The following MARF1 variants were observed in gnomAD, a reference collection of about 807,000 sequenced individuals.
MARF1 encodes limkain-b1.
MARF1 carries 24 observed loss-of-function variants against 168.2 expected under a neutral mutation model. The observed-to-expected ratio is 0.14, with a 90% CI of 0.10 to 0.20. The LOEUF is 0.20. Among genes scored for constraint, MARF1 ranks in the 10% least tolerant of loss-of-function variants. The pLI is 1.00. For missense variants in MARF1, 1,744 were observed against 2,143.6 expected (o/e 0.81, Z 3.68); for synonymous variants, 868 against 822.4 (o/e 1.06, Z -0.95).
intron 13 of MARF1, among the ~76,000 whole-genome samples, chr16:15,618,199 G>C (rs769798962): frequency 4.6e-5 from 7 of 152,136 alleles, no homozygotes; most frequent in Non-Finnish European, 1.0e-4. Context: ...GTTAGGCCTG[G>C]ACAGAACTTG....
chr16:15,611,351 C>G (rs2033525275), intron 18 of MARF1, among the ~76,000 whole-genome samples: 1 of 148,390 alleles, frequency 6.7e-6, no homozygotes. Flanking sequence ...CCCAGCTACT[C>G]TGGAGGCTGA....
chr16:15,608,809 A>C (rs2033255695), intron 20 of MARF1: 3 of 423,114 alleles, frequency 7.1e-6, no homozygotes, highest in Non-Finnish European at 1.3e-5. Flanking sequence ...TAGTAAAAAA[A>C]GAAAATAAAA....
Position 15,643,126 on chromosome 16 carries a change from C to G in MARF1, c.-167G>C, listed in dbSNP as rs1042948086. The stretch of plus-strand genomic sequence containing the variant: ...GACTCCGCAGCTCCCGCCGCCGCCG[C>G]CAAGCGCACCCTTCACTTCCGCTTC... On this transcript the variant is annotated 5_prime_UTR_variant, in exon 1 of 27. Transcript: ENST00000396368. 1.1e-5 allele frequency: 3 copies of G among 275,098 alleles called. No individual in the cohort carries two copies. Among genetic ancestry groups the G allele is most frequent in the South Asian group, 8.4e-5 (3 of 35,902 alleles). 17.0% of individuals were successfully genotyped at this position (275,098 alleles called of 1,614,324 possible). A position where few individuals can be genotyped will look rare whatever the true frequency, so the allele number is the denominator to read the frequency against.
rs375942931 is a variant in MARF1 at position 15,600,564 on chromosome 16, A to G, written c.4688-11T>C. On this transcript the variant is annotated splice_polypyrimidine_tract_variant and intron_variant, in intron 24 of 26. Transcript: ENST00000396368. Reference sequence around the variant, plus strand: ...GTGAACTCAAACGACCTACAGGACAAAGAGCACCCGTCAGAGAGAAATGTC... The same window carrying G: ...GTGAACTCAAACGACCTACAGGACAGAGAGCACCCGTCAGAGAGAAATGTC... The G allele has an allele frequency of 1.3e-5, 21 of 1,614,204 alleles. No homozygotes were observed. The African/African-American group carries it at 2.3e-4, about 17-fold the overall frequency.
chr16:15,599,214 T>C lies in MARF1; in HGVS notation c.4814-190A>G, dbSNP rs1022493422. 6.7e-5 allele frequency: 41 copies of C among 612,660 alleles called. No individual in the cohort carries two copies. In the Admixed American group the frequency reaches 9.6e-4, roughly 14 times the overall value. 38.0% of individuals were successfully genotyped at this position (612,660 alleles called of 1,614,324 possible). On this transcript the variant is annotated intron_variant, in intron 25 of 26. Transcript: ENST00000396368. ...CCCACTAACAGGAAGATCCTGGTAA[T>C]GGAACGCCTTAATAAGCTAGTTCTT...
At chr16:15,630,582 C>G in intron 6 of MARF1, 78 bp from the exon 7 acceptor site, 1 of 1,317,828 alleles carries the variant, frequency 7.6e-7, no homozygotes, top group Non-Finnish European at 1.0e-6. Flanking sequence ...CTATTGACAC[C>G]CACTGAGAAG....
chr16:15,623,102 TA>T lies in MARF1; in HGVS notation c.2291del (p.Leu764Ter). On this transcript the variant is annotated frameshift_variant, in exon 11 of 27. Coordinates refer to ENST00000396368, the MANE Select transcript of MARF1 (RefSeq NM_014647.4). LOFTEE classifies it high-confidence loss of function. ...TGAAAGCAAGCGGGGATGCTCTGTT[TA>T]AAAGGTTTGGAGACATACTCCTGCT... ...WSSRSMSPNLLNRASPLAFNI... is the reference protein window; with the variant it reads ...WSSRSMSPNLXNRASPLAFNI... 1 of 1,602,334 alleles carries T rather than the reference TA, an allele frequency of 6.2e-7. No homozygotes were observed. Among genetic ancestry groups the T allele is most frequent in the Non-Finnish European group, 8.5e-7 (1 of 1,170,246 alleles).
At chr16:15,638,037 G>T (rs1418112708) in intron 2 of MARF1, among the ~76,000 whole-genome samples, 3 of 151,726 alleles carry the variant, frequency 2.0e-5, no homozygotes, top group Non-Finnish European at 2.9e-5. Flanking sequence ...ATAATGGCGA[G>T]TGCCTGTAAA....
intron 2 of MARF1, 123 bp downstream of exon 2, chr16:15,638,967 G>C: frequency 1.1e-6 from 1 of 940,314 alleles, no homozygotes; most frequent in South Asian, 2.0e-5. Context: ...GGCAATACAG[G>C]CAAGATCTAC....
At chr16:15,614,410 G>A (rs968781428) in intron 16 of MARF1, among the ~76,000 whole-genome samples, 1 of 148,626 alleles carries the variant, frequency 6.7e-6, no homozygotes, top group Non-Finnish European at 1.5e-5. Flanking sequence ...ATGAACCGAG[G>A]AGGCGGAGCT....
intron 10 of MARF1, among the ~76,000 whole-genome samples, chr16:15,624,446 C>T (rs763242067): frequency 3.3e-5 from 5 of 152,316 alleles, no homozygotes; most frequent in Admixed American, 6.5e-5. Context: ...CACCAATGCA[C>T]GGCTCGTTTG....
rs557981857 is a variant in MARF1, at chr16:15,612,312, T to C, written c.3474+245A>G. 2.9e-3 allele frequency among the ~76,000 whole-genome samples: 445 copies of C among 152,342 alleles called. 3 individuals carry two copies. The highest frequency in any genetic ancestry group is 7.3e-3 in the South Asian group (35 of 4,824). ...GCTGTGCTGGGATGAAGAAGGTCTA[T>C]AGAGCTTAGAGGGAAAATACTCCTC... On this transcript the variant is annotated intron_variant, in intron 17 of 26. Coordinates refer to ENST00000396368, the MANE Select transcript of MARF1 (RefSeq NM_014647.4).
In MARF1 at chr16:15,639,302, T is replaced by C. The variant is rs2035794669; in HGVS notation, c.-58-11A>G. 1 of 1,517,984 alleles carries C rather than the reference T, an allele frequency of 6.6e-7. No homozygotes were observed. Among genetic ancestry groups the C allele is most frequent in the Non-Finnish European group, 8.9e-7 (1 of 1,123,746 alleles). 94.0% of individuals were successfully genotyped at this position (1,517,984 alleles called of 1,614,324 possible). A position where few individuals can be genotyped will look rare whatever the true frequency, so the allele number is the denominator to read the frequency against. ...TTTCATTCTTCCACCCTGTTAAGAA[T>C]GAGTAAGATTTCAGTGTTATTTCCT... is the stretch of plus-strand genomic sequence containing the variant. On this transcript the variant is annotated splice_polypyrimidine_tract_variant and intron_variant, in intron 1 of 26. Coordinates refer to ENST00000396368, the MANE Select transcript of MARF1 (RefSeq NM_014647.4).
rs1314846838 is a variant in MARF1, at chr16:15,602,505, C to T, written c.4414-302G>A. On this transcript the variant is annotated intron_variant, in intron 22 of 26. Coordinates refer to ENST00000396368, the MANE Select transcript of MARF1 (RefSeq NM_014647.4). The stretch of plus-strand genomic sequence containing the variant: ...CAAGAAGACGAAGACAAGACGAAGA[C>T]GACGATGAAGAAGACGAAGACGACG... The T allele has an allele frequency of 2.7e-5, 14 of 527,376 alleles. 1 individual carries two copies. The highest frequency in any genetic ancestry group is 3.5e-5 in the South Asian group (2 of 56,374). 32.7% of individuals were successfully genotyped at this position (527,376 alleles called of 1,614,324 possible).
At position 15,631,563 on chromosome 16, in the gene MARF1, G is replaced by A. The variant is rs2035257460; in HGVS notation, c.1234-65C>T. ...AGGCTAGAAAATTGCTACACATTCT[G>A]CCCATATTTTTTATTTTTTAAATTT... On this transcript the variant is annotated intron_variant, in intron 5 of 26. Transcript: ENST00000396368. 2.7e-6 allele frequency: 3 copies of A among 1,120,354 alleles called. No homozygotes were observed. The African/African-American group carries it at 4.7e-5, about 18-fold the overall frequency. The allele number at this position is 1,120,354 out of a possible 1,614,324, so 69.4% of individuals were successfully genotyped here.
chr16:15,602,397 AAAG>A (rs1286051773), intron 22 of MARF1, 194 bp from the exon 23 acceptor site: 35 of 617,412 alleles, frequency 5.7e-5, no homozygotes, highest in African/African-American at 2.2e-4. Context: ...CGACAAAGAT[AAAG>A]AAGACAACAA....
rs1030206912 is a variant in MARF1 at position 15,595,497 on chromosome 16, G to A, written c.*1196C>T. On this transcript the variant is annotated 3_prime_UTR_variant, in exon 27 of 27. Coordinates refer to ENST00000396368, the MANE Select transcript of MARF1 (RefSeq NM_014647.4). ...GTAAATGTCAGGTTTCTCTAGAGGG[G>A]GGTGAGAGGCCACCCGTCAGCGGAC... is the stretch of plus-strand genomic sequence containing the variant. 1 of 152,538 alleles carries A rather than the reference G, an allele frequency of 6.6e-6. No individual in the cohort carries two copies. Among genetic ancestry groups the A allele is most frequent in the Non-Finnish European group, 1.5e-5 (1 of 68,036 alleles). 9.4% of individuals were successfully genotyped at this position (152,538 alleles called of 1,614,324 possible). A position where few individuals can be genotyped will look rare whatever the true frequency, so the allele number is the denominator to read the frequency against.
intron 13 of MARF1, among the ~76,000 whole-genome samples, chr16:15,618,484 G>C (rs915166925): frequency 6.6e-6 from 1 of 152,096 alleles, no homozygotes; most frequent in Non-Finnish European, 1.5e-5. Flanking sequence ...TTTAGCCACA[G>C]GACTCTGTAG....
intron 17 of MARF1, among the ~76,000 whole-genome samples, chr16:15,612,019 C>A (rs2033608583): frequency 6.6e-6 from 1 of 152,098 alleles, no homozygotes; most frequent in African/African-American, 2.4e-5. Flanking sequence ...GTCGTGAGTA[C>A]AGAAATGAAA....
Sources: gnomAD v4.1 joint callset for allele counts (sites outside exome capture counted in the v4.1 genomes callset) on GRCh38, gnomAD v4.1.1 for gene constraint, MANE v1.5 for transcripts, NCBI Gene and HGNC (gene_info 2026-07-23, HGNC 2026-07-21) for gene names.